The following AK6 variants were observed in gnomAD, a reference collection of about 807,000 sequenced individuals.
The protein encoded by AK6 is adenylate kinase 6.
AK6 carries 24 observed loss-of-function variants against 23.7 expected under a neutral mutation model. The observed-to-expected ratio is 1.01, with a 90% confidence interval of 0.73 to 1.43. The LOEUF is 1.43. AK6 is among the 40% of genes most tolerant of loss of function. The probability of loss-of-function intolerance (pLI) is 0.00; values close to 1 mark genes in which losing one functional copy is unlikely to be tolerated. For missense variants in AK6, 191 were observed against 199.1 expected (o/e 0.96, Z 0.24); for synonymous variants, 73 against 69.8 (o/e 1.05, Z -0.23).
chr5:69,366,478 A>C lies in AK6; in HGVS notation c.121+25T>G, dbSNP rs748811045. 1.9e-6 allele frequency: 3 copies of C among 1,596,398 alleles called. No individual in the cohort carries two copies. The Admixed American group carries it at 5.1e-5, about 27-fold the overall frequency. On this transcript the variant is annotated intron_variant, in intron 2 of 4. Coordinates refer to ENST00000380822, the MANE Select transcript of AK6 (RefSeq NM_016283.5). ...CAGACCTTAAAAAAAAAACAAAACA[A>C]ATCTAACACCAAAGTGTCCCTTACC...
At chr5:69,368,362 C>A (rs2150745253) in intron 1 of AK6, among the ~76,000 whole-genome samples, 1 of 152,278 alleles carries the variant, frequency 6.6e-6, no homozygotes, top group Middle Eastern at 3.4e-3. Flanking sequence ...CAGGGATAAT[C>A]CAGTTCCCAT....
At chr5:69,361,443 TTTC>T (rs1285007329) in intron 2 of AK6, among the ~76,000 whole-genome samples, 1 of 151,140 alleles carries the variant, frequency 6.6e-6, no homozygotes, top group Non-Finnish European at 1.5e-5. Context: ...CTTTAATAGT[TTTC>T]TTTTTTTTTT....
intron 1 of AK6, 55 bp downstream of exon 1, chr5:69,369,408 C>G (rs1247120557): frequency 1.3e-6 from 2 of 1,594,236 alleles, no homozygotes; most frequent in Non-Finnish European, 1.7e-6. Context: ...ATGCCCAGAG[C>G]ACTCTGCGCC....
intron 2 of AK6, 84 bp downstream of exon 2, chr5:69,366,419 C>T: frequency 9.5e-7 from 1 of 1,047,838 alleles, no homozygotes; most frequent in South Asian, 1.4e-5. Context: ...TTTTTGTACC[C>T]TATGACAATA....
At chr5:69,352,341 T>C (rs759429563) in intron 4 of AK6, 88 bp from the exon 5 acceptor site, 295 of 1,007,156 alleles carry the variant, frequency 2.9e-4, no homozygotes, top group Non-Finnish European at 3.9e-4. Context: ...TGGACACTTT[T>C]CAATACGTGA....
At chr5:69,369,819 T>G (rs1762808006), upstream of AK6, 6 of 1,044,884 alleles carry the variant, frequency 5.7e-6, no homozygotes, top group African/African-American at 3.3e-5. Context: ...CGGGAGGCCG[T>G]ACCTCCGAGA....
intron 2 of AK6, chr5:69,364,961 A>G (rs1561219683): frequency 1.6e-5 from 25 of 1,599,592 alleles, no homozygotes; most frequent in Non-Finnish European, 2.1e-5. Flanking sequence ...TATCATAGTC[A>G]TCATCATCAT....
In AK6 at chr5:69,366,096, T is replaced by C. The variant is rs1443768315; in HGVS notation, c.121+407A>G. Among the ~76,000 whole-genome samples, 5 of 152,214 alleles carry C rather than the reference T, an allele frequency of 3.3e-5. No homozygotes were observed. In the East Asian group the frequency reaches 5.8e-4, roughly 18 times the overall value. On this transcript the variant is annotated intron_variant, in intron 2 of 4. Transcript: ENST00000380822. ...AATCTCACACTAATCTAAGATACCA[T>C]AGCATAGTCAGGTCCCACACCTGAG...
At chr5:69,358,240 C>A (rs556200146) in intron 2 of AK6, among the ~76,000 whole-genome samples, 212 of 152,166 alleles carry the variant, frequency 1.4e-3, no homozygotes, top group Non-Finnish European at 2.6e-3. Context: ...AAAGATGACT[C>A]TGGCCGGTGC....
In AK6 at chr5:69,352,176, G is replaced by T; in HGVS notation, c.404C>A (p.Ser135Tyr). ...FQVLYEEATA[S>Y]YKEEIVHQLP... The stretch of plus-strand genomic sequence containing the variant: ...CTGATGCACGATTTCTTCCTTGTAG[G>T]ATGCTGTGGCTTCTTCATAAAGAAC... The change falls in exon 5 of 5, where the codon TCC (serine) becomes TAC (tyrosine). Residue 135 changes from serine to tyrosine, a missense_variant. Physicochemically the swap from Ser to Tyr is moderately radical, Grantham distance 144. Transcript: ENST00000380822. 6.2e-7 allele frequency: 1 copy of T among 1,613,892 alleles called. No homozygotes were observed. The highest frequency in any genetic ancestry group is 8.5e-7 in the Non-Finnish European group (1 of 1,179,892).
At chr5:69,355,044 T>G (rs569135044) in intron 4 of AK6, among the ~76,000 whole-genome samples, 68 of 152,258 alleles carry the variant, frequency 4.5e-4, no homozygotes, top group African/African-American at 1.6e-3. Context: ...TTAGCCAGCA[T>G]GGTCTCGATG....
intron 2 of AK6, chr5:69,365,400 G>A: frequency 6.2e-7 from 1 of 1,614,200 alleles, no homozygotes. Context: ...TGGCAACCTA[G>A]GACCTGAATA....
intron 4 of AK6, among the ~76,000 whole-genome samples, chr5:69,354,431 A>G (rs1212096763): frequency 6.6e-6 from 1 of 152,236 alleles, no homozygotes; most frequent in Non-Finnish European, 1.5e-5. Flanking sequence ...GTGGTTAGTC[A>G]GAGTTGACTA....
intron 2 of AK6, chr5:69,365,532 T>C (rs1762385071): frequency 6.2e-7 from 1 of 1,613,948 alleles, no homozygotes; most frequent in African/African-American, 1.3e-5. Context: ...TCGCACATCA[T>C]CTGCATCAAC....
intron 2 of AK6, among the ~76,000 whole-genome samples, chr5:69,364,568 G>A (rs772510110): frequency 1.1e-4 from 16 of 152,170 alleles, no homozygotes; most frequent in Non-Finnish European, 2.4e-4. Flanking sequence ...CAAGAGTGAC[G>A]TACACACCAG....
At chr5:69,368,642 G>A (rs1488848440) in intron 1 of AK6, among the ~76,000 whole-genome samples, 2 of 152,140 alleles carry the variant, frequency 1.3e-5, no homozygotes, top group Admixed American at 6.6e-5. Context: ...GGTGAATGAT[G>A]TAACTTTACT....
rs768086338 is a variant in AK6, at chr5:69,352,200, A to G, written c.380T>C (p.Val127Ala). ...GGATGCTGTGGCTTCTTCATAAAGA[A>G]CTTGAAAAATCTCACACTGAATATT... Reference protein sequence around the residue: ...TDNIQCEIFQVLYEEATASYK... With the variant: ...TDNIQCEIFQALYEEATASYK... Residue 127 changes from valine to alanine, a missense_variant, in exon 5 of 5, where the codon GTT (valine) becomes GCT (alanine). Physicochemically the swap from Val to Ala is moderately conservative, Grantham distance 64. Coordinates refer to ENST00000380822, the MANE Select transcript of AK6 (RefSeq NM_016283.5). 6.2e-7 allele frequency: 1 copy of G among 1,613,982 alleles called. No individual in the cohort carries two copies. The highest frequency in any genetic ancestry group is 1.7e-5 in the Admixed American group (1 of 60,010).
intron 2 of AK6, among the ~76,000 whole-genome samples, chr5:69,358,920 C>T: frequency 6.6e-6 from 1 of 151,762 alleles, no homozygotes; most frequent in African/African-American, 2.4e-5. Flanking sequence ...AGATATATTG[C>T]TTGCAGAAAA....
In AK6 at chr5:69,369,507, G is replaced by A. The variant is rs910167382; in HGVS notation, c.-17C>T. On this transcript the variant is annotated 5_prime_UTR_variant, in exon 1 of 5. Coordinates refer to ENST00000380822, the MANE Select transcript of AK6 (RefSeq NM_016283.5). ...AAGCAACATGGTCCCCGCCGCGACG[G>A]CTTCGGGCGCCTCGCTCACGTGCCC... 1.9e-6 allele frequency: 3 copies of A among 1,611,190 alleles called. No individual in the cohort carries two copies. The highest frequency in any genetic ancestry group is 1.7e-6 in the Non-Finnish European group (2 of 1,179,194).
Sources: gnomAD v4.1 joint callset for allele counts (sites outside exome capture counted in the v4.1 genomes callset) on GRCh38, gnomAD v4.1.1 for gene constraint, MANE v1.5 for transcripts, NCBI Gene and HGNC (gene_info 2026-07-23, HGNC 2026-07-21) for gene names.